MET: variants seen among roughly 807,000 people sequenced by gnomAD.
The protein encoded by MET is MET proto-oncogene, receptor tyrosine kinase, also known as hepatocyte growth factor receptor.
Under a neutral mutation model 133.1 loss-of-function variants are expected in MET, and 48 were observed. That is an observed-to-expected ratio of 0.36 (90% confidence interval 0.29 to 0.46). MET has a LOEUF of 0.46. MET is among the 20% of genes least tolerant of loss of function. The probability of loss-of-function intolerance (pLI) is 1.00; values close to 1 mark genes in which losing one functional copy is unlikely to be tolerated. For synonymous variants in MET, 628 were observed against 616.5 expected, an observed-to-expected ratio of 1.02 and a Z score of -0.28; for missense variants, 1,442 against 1,695.9, an observed-to-expected ratio of 0.85 and a Z score of 2.63.
At chr7:116,757,405 G>T in intron 6 of MET, 32 bp from the exon 7 acceptor site, 4 of 1,567,078 alleles carry the variant, frequency 2.6e-6, no homozygotes, top group Admixed American at 1.7e-5. Context: ...CCTTGGATTT[G>T]TCATGTATTA....
intron 1 of MET, among the ~76,000 whole-genome samples, chr7:116,686,202 C>A (rs957600992): frequency 2.0e-5 from 3 of 152,156 alleles, no homozygotes; most frequent in Non-Finnish European, 4.4e-5. Flanking sequence ...GCCTACAAGG[C>A]CTTACATGCT....
chr7:116,782,618 T>C (rs1487666216), intron 18 of MET, among the ~76,000 whole-genome samples: 1 of 152,250 alleles, frequency 6.6e-6, no homozygotes, highest in Non-Finnish European at 1.5e-5. Context: ...GTTCATGTTT[T>C]CCCTTGCATA....
In MET at chr7:116,777,490, C is replaced by T. The variant is rs745514624; in HGVS notation, c.3340+21C>T. On this transcript the variant is annotated intron_variant, in intron 16 of 20. Coordinates refer to ENST00000397752, the MANE Select transcript of MET (RefSeq NM_000245.4). ...GAACAGTAAGTGGCATTTTATTTAA[C>T]CATGGAGTATACTTTTGTGGTTTGC... is the stretch of plus-strand genomic sequence containing the variant. The T allele has an allele frequency of 2.5e-6, 4 of 1,607,990 alleles. No homozygotes were observed. In the Admixed American group the frequency reaches 6.7e-5, roughly 27 times the overall value.
At chr7:116,727,128 C>G (rs1792824799) in intron 2 of MET, among the ~76,000 whole-genome samples, 2 of 152,182 alleles carry the variant, frequency 1.3e-5, no homozygotes, top group Non-Finnish European at 2.9e-5. Context: ...GAGTGGTTAT[C>G]TCTGCTGTTT....
chr7:116,724,758 C>T (rs1357552046), intron 2 of MET: 3 of 1,163,560 alleles, frequency 2.6e-6, no homozygotes, highest in African/African-American at 1.6e-5. Flanking sequence ...TTCGCTCAAC[C>T]TCTCCCTTTA....
chr7:116,716,467 G>GAGAAAGAAAGAAAGAAAGAAAGAAAGGA (rs1792219679), intron 2 of MET, among the ~76,000 whole-genome samples: 3 of 108,196 alleles, frequency 2.8e-5, no homozygotes, highest in African/African-American at 1.1e-4. Flanking sequence ...AAGAAAGAAA[G>GAGAAAGAAAGAAAGAAAGAAAGAAAGGA]AGAAAGAAAG....
chr7:116,674,183 G>A (rs756986876), intron 1 of MET, among the ~76,000 whole-genome samples: 49 of 152,224 alleles, frequency 3.2e-4, no homozygotes, highest in Admixed American at 2.4e-3. Context: ...ATGGCAGTAG[G>A]GGTTTACATT....
chr7:116,717,761 T>C (rs918149604), intron 2 of MET, among the ~76,000 whole-genome samples: 21 of 152,324 alleles, frequency 1.4e-4, no homozygotes, highest in African/African-American at 4.6e-4. Context: ...ATTAAATGAA[T>C]CACTATTTTA....
chr7:116,774,795 A>G (rs2117028551), intron 14 of MET, 86 bp from the exon 15 acceptor site: 1 of 995,076 alleles, frequency 1.0e-6, no homozygotes, highest in Non-Finnish European at 1.6e-6. Context: ...TATCAAACTA[A>G]TTCCATTATA....
intron 15 of MET, 77 bp downstream of exon 15, chr7:116,775,188 A>G: frequency 7.4e-7 from 1 of 1,356,138 alleles, no homozygotes; most frequent in Non-Finnish European, 1.0e-6. Flanking sequence ...GCAGATTAGG[A>G]ACTTAGACAA....
At chr7:116,715,651 G>T (rs576981888) in intron 2 of MET, among the ~76,000 whole-genome samples, 1 of 152,180 alleles carries the variant, frequency 6.6e-6, no homozygotes, top group Non-Finnish European at 1.5e-5. Flanking sequence ...TCTGGCACTG[G>T]ATTCATTTCA....
chr7:116,729,315 T>G (rs1246430010), intron 2 of MET, among the ~76,000 whole-genome samples: 2 of 152,230 alleles, frequency 1.3e-5, no homozygotes, highest in Non-Finnish European at 1.5e-5. Context: ...AGTTTCTATT[T>G]GCTAATTTAT....
At position 116,797,454 on chromosome 7, in the gene MET, A is replaced by G. The variant is rs1030575569; in HGVS notation, c.*1330A>G. The stretch of plus-strand genomic sequence containing the variant: ...TAAGCAAAACATACTTTAGAAACAA[A>G]TGAAAAAGGCAATTGAAAATCCCAG... On this transcript the variant is annotated 3_prime_UTR_variant, in exon 21 of 21. Coordinates refer to ENST00000397752, the MANE Select transcript of MET (RefSeq NM_000245.4). The G allele has an allele frequency of 1.1e-4, 24 of 227,922 alleles. No individual in the cohort carries two copies. Among genetic ancestry groups the G allele is most frequent in the African/African-American group, 5.3e-4 (24 of 45,016 alleles). The allele number at this position is 227,922 out of a possible 1,614,324, so 14.1% of individuals were successfully genotyped here. A position where few individuals can be genotyped will look rare whatever the true frequency, so the allele number is the denominator to read the frequency against.
intron 2 of MET, among the ~76,000 whole-genome samples, chr7:116,716,384 G>A (rs1205386628): frequency 1.4e-5 from 2 of 147,110 alleles, no homozygotes; most frequent in African/African-American, 2.5e-5. Context: ...GAGGGAAAAA[G>A]AGAGAAAGAA....
At chr7:116,772,486 G>T (rs188589350) in intron 14 of MET, among the ~76,000 whole-genome samples, 19 of 152,104 alleles carry the variant, frequency 1.2e-4, no homozygotes, top group Admixed American at 3.3e-4. Context: ...ACTTAGCCAA[G>T]GAAAACCTTC....
In MET at chr7:116,796,545, G is replaced by A. The variant is rs1795685061; in HGVS notation, c.*421G>A. 1 of 325,854 alleles carries A rather than the reference G, an allele frequency of 3.1e-6. No individual in the cohort carries two copies. The highest frequency in any genetic ancestry group is 5.7e-6 in the Non-Finnish European group (1 of 174,806). The allele number at this position is 325,854 out of a possible 1,614,324, so 20.2% of individuals were successfully genotyped here. A position where few individuals can be genotyped will look rare whatever the true frequency, so the allele number is the denominator to read the frequency against. ...AACAGGCCACTCATTTAGAATTCTA[G>A]TGTTTCAAAACACTTTTGTGTGTTG... On this transcript the variant is annotated 3_prime_UTR_variant, in exon 21 of 21. Coordinates refer to ENST00000397752, the MANE Select transcript of MET (RefSeq NM_000245.4).
At chr7:116,731,996 C>A in intron 3 of MET, 137 bp downstream of exon 3, 1 of 826,550 alleles carries the variant, frequency 1.2e-6, no homozygotes. Context: ...GACTGAAAGC[C>A]AAACAATGAA....
chr7:116,680,321 T>C (rs950518668), intron 1 of MET, among the ~76,000 whole-genome samples: 1 of 152,236 alleles, frequency 6.6e-6, no homozygotes, highest in Admixed American at 6.5e-5. Flanking sequence ...TTTGTACACA[T>C]TCGTATTTAC....
Position 116,767,974 on chromosome 7 carries a change from A to ATATATG in MET, c.2584-1670_2584-1669insATATGT, listed in dbSNP as rs1554397514. Among the ~76,000 whole-genome samples, 340 of 140,226 alleles carry ATATATG rather than the reference A, an allele frequency of 2.4e-3. 1 individual carries two copies. The highest frequency in any genetic ancestry group is 0.011 in the Middle Eastern group (3 of 274). 92.0% of individuals were successfully genotyped at this position (140,226 alleles called of 152,430 possible). A position where few individuals can be genotyped will look rare whatever the true frequency, so the allele number is the denominator to read the frequency against. ...GCTTCTAATATGCATATATATATATATGTGTGTGTGTGTGTGTGTGTGTGT... is the reference window on the plus strand; with the variant it reads ...GCTTCTAATATGCATATATATATATATATATGTGTGTGTGTGTGTGTGTGTGTGTGT... On this transcript the variant is annotated intron_variant, in intron 11 of 20. Transcript: ENST00000397752.
Sources: allele counts gnomAD v4.1 joint callset (sites outside exome capture counted in the v4.1 genomes callset), GRCh38; gene constraint gnomAD v4.1.1; transcripts MANE v1.5; gene names NCBI Gene and HGNC (gene_info 2026-07-23, HGNC 2026-07-21).